ADGRA1: variants seen among roughly 807,000 people sequenced by gnomAD.
ADGRA1 encodes the protein adhesion G protein-coupled receptor A1, also known as G-protein coupled receptor 123.
Under a neutral mutation model 21.3 loss-of-function variants are expected in ADGRA1, and 12 were observed. The observed-to-expected ratio is 0.56, with a 90% CI of 0.36 to 0.91. The LOEUF is 0.91. Among genes scored for constraint, ADGRA1 ranks in the 40% least tolerant of loss-of-function variants. The pLI is 0.01. For synonymous variants in ADGRA1, 385 were observed against 368.8 expected (o/e 1.04, Z -0.50); for missense variants, 790 against 805.6 (o/e 0.98, Z 0.23).
chr10:133,104,925 C>T (rs1455779375), intron 5 of ADGRA1, among the ~76,000 whole-genome samples: 2 of 152,168 alleles, frequency 1.3e-5, no homozygotes, highest in African/African-American at 2.4e-5. Context: ...CAGGCTGGAG[C>T]GGGGCCTTTC....
At position 133,088,828 on chromosome 10, in the gene ADGRA1, C is replaced by A. The variant is rs922410153; in HGVS notation, c.-82C>A. Reference sequence around the variant, plus strand: ...ACCTTCCAGAGGCCATGGAGGCTGGCGGGGAGCAGGGCGCCACCTGATCGC... The same window carrying A: ...ACCTTCCAGAGGCCATGGAGGCTGGAGGGGAGCAGGGCGCCACCTGATCGC... On this transcript the variant is annotated 5_prime_UTR_variant, in exon 2 of 7. Transcript: ENST00000392607. 1 of 1,235,174 alleles carries A rather than the reference C, an allele frequency of 8.1e-7. No homozygotes were observed. 76.5% of individuals were successfully genotyped at this position (1,235,174 alleles called of 1,614,324 possible). A position where few individuals can be genotyped will look rare whatever the true frequency, so the allele number is the denominator to read the frequency against.
chr10:133,122,775 C>T (rs551229393), intron 5 of ADGRA1, among the ~76,000 whole-genome samples: 2 of 151,226 alleles, frequency 1.3e-5, no homozygotes, highest in Non-Finnish European at 2.9e-5. Context: ...CCTGGGGCCT[C>T]CTTGTCTTTC....
intron 5 of ADGRA1, among the ~76,000 whole-genome samples, chr10:133,112,387 G>T (rs1852053778): frequency 7.1e-6 from 1 of 141,106 alleles, no homozygotes; most frequent in African/African-American, 3.0e-5. Flanking sequence ...GGTTATTTGG[G>T]GTCTACGGGC....
chr10:133,129,326 C>T lies in ADGRA1; in HGVS notation c.1498C>T (p.Pro500Ser). The T allele has an allele frequency of 6.4e-7, 1 of 1,565,682 alleles. No homozygotes were observed. Among genetic ancestry groups the T allele is most frequent in the Non-Finnish European group, 8.6e-7 (1 of 1,156,726 alleles). ...TGCCCTCTACAGCTGCCCCACGCAG[C>T]CGGGCAGGGAGGCAGCGCTCGGGCC... ...SPALYSCPTQPGREAALGPGH... is the reference protein window; with the variant it reads ...SPALYSCPTQSGREAALGPGH... Residue 500 changes from proline to serine, a missense_variant, in exon 7 of 7, where the codon CCG becomes TCG. By Grantham distance (74) the Pro-to-Ser change is moderately conservative. Transcript: ENST00000392607.
chr10:133,129,126 A>AGCCC lies in ADGRA1; in HGVS notation c.1300_1303dup (p.Glu435AlafsTer55). 6.4e-7 allele frequency: 1 copy of AGCCC among 1,553,928 alleles called. No individual in the cohort carries two copies. Among genetic ancestry groups the AGCCC allele is most frequent in the Non-Finnish European group, 8.7e-7 (1 of 1,148,348 alleles). On this transcript the variant is annotated frameshift_variant, in exon 7 of 7. Transcript: ENST00000392607. LOFTEE classifies it low-confidence loss of function (END_TRUNC). ...TACTTTAGCCGGCACCCAGCAGAGG[A>AGCCC]GCCCGAGTACGCCTACCACATCCCA...
chr10:133,100,466 C>T (rs534340480), intron 4 of ADGRA1, among the ~76,000 whole-genome samples: 18 of 152,328 alleles, frequency 1.2e-4, no homozygotes, highest in East Asian at 5.8e-4. Context: ...CCCGCGCCTT[C>T]GGGAACACCT....
intron 5 of ADGRA1, 114 bp downstream of exon 5, chr10:133,102,956 G>A (rs765224254): frequency 6.3e-5 from 71 of 1,127,278 alleles, no homozygotes; most frequent in Non-Finnish European, 7.3e-5. Context: ...AGGATGATCC[G>A]GTCCATGGGG....
At chr10:133,098,952 C>T (rs1851738977) in intron 4 of ADGRA1, among the ~76,000 whole-genome samples, 189 bp downstream of exon 4, 1 of 152,258 alleles carries the variant, frequency 6.6e-6, no homozygotes, top group South Asian at 2.1e-4. Flanking sequence ...AGGGTTGATT[C>T]CACTGCACCG....
In ADGRA1 at chr10:133,128,859, T is replaced by C; in HGVS notation, c.1031T>C (p.Leu344Pro). The change falls in exon 7 of 7, where the codon CTG (leucine) becomes CCG (proline). Residue 344 changes from leucine (L) to proline (P), a missense_variant. Transcript: ENST00000392607. ...GCCGCGCTGGGCCGCGCCGCCTGCC[T>C]GCACTCGCCGGGACTGGGCCAGCCA... ...NGAALGRAAC[L>P]HSPGLGQPRG... 7 of 1,581,812 alleles carry C rather than the reference T, an allele frequency of 4.4e-6. No individual in the cohort carries two copies. Among genetic ancestry groups the C allele is most frequent in the Non-Finnish European group, 6.0e-6 (7 of 1,167,424 alleles).
At chr10:133,120,819 G>T (rs546819516) in intron 5 of ADGRA1, among the ~76,000 whole-genome samples, 1 of 152,218 alleles carries the variant, frequency 6.6e-6, no homozygotes, top group African/African-American at 2.4e-5. Flanking sequence ...CATTCACAAC[G>T]TGGCTGTTTG....
At chr10:133,102,884 C>T in intron 5 of ADGRA1, 42 bp downstream of exon 5, 19 of 1,582,270 alleles carry the variant, frequency 1.2e-5, no homozygotes, top group Non-Finnish European at 1.5e-5. Flanking sequence ...CACCTGGGCC[C>T]TGGACGCTGC....
chr10:133,101,653 G>C (rs1179939508), intron 4 of ADGRA1, among the ~76,000 whole-genome samples: 1 of 152,212 alleles, frequency 6.6e-6, no homozygotes, highest in African/African-American at 2.4e-5. Flanking sequence ...GGCTGTGGGG[G>C]CTGCCTCTGC....
intron 5 of ADGRA1, among the ~76,000 whole-genome samples, chr10:133,126,553 G>C (rs929333580): frequency 1.3e-5 from 2 of 152,190 alleles, no homozygotes; most frequent in East Asian, 1.9e-4. Context: ...GGGTCCGGGT[G>C]GGGGCTGGAG....
rs1413482979 is a variant in ADGRA1 at position 133,088,584 on chromosome 10, C to G, written c.-202-124C>G. On this transcript the variant is annotated intron_variant, in intron 1 of 6. Coordinates refer to ENST00000392607, the MANE Select transcript of ADGRA1 (RefSeq NM_001083909.3). ...CCTCCGCCAGCCCCAGGCGCAGCCC[C>G]CAGGCCGCCCGCGGAGGGGAGGGAG... The G allele has an allele frequency of 5.7e-6, 3 of 523,078 alleles. No homozygotes were observed. The East Asian group carries it at 1.5e-4, about 26-fold the overall frequency. 32.4% of individuals were successfully genotyped at this position (523,078 alleles called of 1,614,324 possible).
At chr10:133,092,695 G>GAGAAACAGGA in intron 2 of ADGRA1, among the ~76,000 whole-genome samples, 1 of 149,666 alleles carries the variant, frequency 6.7e-6, no homozygotes, top group Non-Finnish European at 1.5e-5. Context: ...AAACAAGAAA[G>GAGAAACAGGA]AGAAACAGGA....
At chr10:133,118,876 A>C (rs1381623070) in intron 5 of ADGRA1, among the ~76,000 whole-genome samples, 1 of 151,382 alleles carries the variant, frequency 6.6e-6, no homozygotes, top group Non-Finnish European at 1.5e-5. Flanking sequence ...TCACACACAC[A>C]TGCACTCATA....
intron 5 of ADGRA1, among the ~76,000 whole-genome samples, chr10:133,115,343 A>C (rs1852137090): frequency 6.6e-6 from 1 of 152,168 alleles, no homozygotes. Flanking sequence ...AGCAGCAGGC[A>C]CGGGCAGGCA....
rs1263606831 is a variant in ADGRA1, at chr10:133,094,909, G to A, written c.4-2065G>A. 3.9e-5 allele frequency among the ~76,000 whole-genome samples: 6 copies of A among 152,326 alleles called. No individual in the cohort carries two copies. In the East Asian group the frequency reaches 1.2e-3, roughly 29 times the overall value. ...CAGATAACTCACTGGATAACCTGATGTCGGGATTTGGCCGGGAAAACATGC... is the reference window on the plus strand; with the variant it reads ...CAGATAACTCACTGGATAACCTGATATCGGGATTTGGCCGGGAAAACATGC... On this transcript the variant is annotated intron_variant, in intron 2 of 6. Coordinates refer to ENST00000392607, the MANE Select transcript of ADGRA1 (RefSeq NM_001083909.3).
intron 5 of ADGRA1, among the ~76,000 whole-genome samples, chr10:133,118,049 G>A (rs1852190122): frequency 6.6e-6 from 1 of 152,204 alleles, no homozygotes; most frequent in Non-Finnish European, 1.5e-5. Context: ...GCCCTGCGGG[G>A]AGCTGGACGT....
Sources: gnomAD v4.1 joint callset for allele counts (sites outside exome capture counted in the v4.1 genomes callset) on GRCh38, gnomAD v4.1.1 for gene constraint, MANE v1.5 for transcripts, NCBI Gene and HGNC (gene_info 2026-07-23, HGNC 2026-07-21) for gene names.